Variants in TRIM66 observed in about 807,000 individuals in gnomAD.
TRIM66 encodes the protein tripartite motif-containing protein 66.
In TRIM66, 99 loss-of-function variants were observed where a neutral mutation model predicts 148.2. That is an observed-to-expected ratio of 0.67 (90% CI 0.57 to 0.79). TRIM66 has a LOEUF of 0.79. TRIM66 is among the 30% of genes least tolerant of loss of function. The pLI is 0.00. For missense variants in TRIM66, 1,666 were observed against 1,697.9 expected, an observed-to-expected ratio of 0.98 and a Z score of 0.33; for synonymous variants, 616 against 635.9, an observed-to-expected ratio of 0.97 and a Z score of 0.47.
chr11:8,627,509 AT>A (rs2034966794), intron 15 of TRIM66, among the ~76,000 whole-genome samples: 1 of 152,256 alleles, frequency 6.6e-6, no homozygotes. Context: ...TTAGAACAAT[AT>A]CTGGCATACT....
intron 7 of TRIM66, 84 bp downstream of exon 7, chr11:8,651,715 GT>G (rs1202855957): frequency 3.9e-6 from 4 of 1,037,282 alleles, no homozygotes; most frequent in Non-Finnish European, 5.9e-6. Context: ...AGATGATAGA[GT>G]GATGGATGGA....
chr11:8,672,937 C>CTT (rs35703499), intron 4 of TRIM66, among the ~76,000 whole-genome samples: 2 of 111,808 alleles, frequency 1.8e-5, no homozygotes, highest in Admixed American at 9.9e-5. Context: ...GGCCCATACT[C>CTT]TTTTTTTTTT....
At chr11:8,628,636 A>AAAAAAAAAAAAGAGAGAGAGAG (rs1555042270) in intron 15 of TRIM66, among the ~76,000 whole-genome samples, 1 of 93,338 alleles carries the variant, frequency 1.1e-5, no homozygotes, top group African/African-American at 3.5e-5. Flanking sequence ...AAAAAAAAAA[A>AAAAAAAAAAAAGAGAGAGAGAG]AGAGAGAGAA....
intron 15 of TRIM66, among the ~76,000 whole-genome samples, chr11:8,634,596 C>T (rs887331836): frequency 1.3e-5 from 2 of 152,174 alleles, no homozygotes; most frequent in African/African-American, 2.4e-5. Context: ...GGGTTGTAGC[C>T]ATGGTCTTTC....
At chr11:8,681,915 T>A (rs1415285181) in intron 1 of TRIM66, among the ~76,000 whole-genome samples, 3 of 152,080 alleles carry the variant, frequency 2.0e-5, no homozygotes, top group African/African-American at 4.8e-5. Flanking sequence ...AAAAATAGCA[T>A]TTATTTTTAC....
At position 8,619,524 on chromosome 11, in the gene TRIM66, A is replaced by G; in HGVS notation, c.3759T>C (p.Tyr1253=). The change falls in exon 23 of 25, where the codon TAT becomes TAC. Residue 1253 remains tyrosine (Y), a synonymous_variant. Coordinates refer to ENST00000646038, the MANE Select transcript of TRIM66 (RefSeq NM_001388022.1). ...HEPVSPLARH[Y]YQIIKRPMDL... is the part of the protein sequence containing the mutation. ...CCATGGGCCTCTTGATAATCTGGTA[A>G]TAATGCCGGGCCTTGGGGGAGGAGA... is the stretch of plus-strand genomic sequence containing the variant. 6.5e-7 allele frequency: 1 copy of G among 1,543,936 alleles called. No individual in the cohort carries two copies. Among genetic ancestry groups the G allele is most frequent in the Non-Finnish European group, 8.7e-7 (1 of 1,144,224 alleles).
chr11:8,673,194 C>G (rs1463556528), intron 4 of TRIM66, among the ~76,000 whole-genome samples: 1 of 152,038 alleles, frequency 6.6e-6, no homozygotes, highest in Non-Finnish European at 1.5e-5. Flanking sequence ...TCCCAAAGTG[C>G]TGGGATTACA....
At chr11:8,682,954 C>T (rs975187292), upstream of TRIM66, 50 of 1,227,888 alleles carry the variant, frequency 4.1e-5, no homozygotes, top group African/African-American at 1.2e-4. Context: ...GCAGGGTGGC[C>T]GGCGCGGGCC....
intron 3 of TRIM66, among the ~76,000 whole-genome samples, 189 bp from the exon 4 acceptor site, chr11:8,675,072 G>A (rs531161330): frequency 2.0e-4 from 30 of 152,250 alleles, no homozygotes; most frequent in African/African-American, 6.5e-4. Flanking sequence ...CTTTTCCCCA[G>A]GCACAGTTTT....
intron 6 of TRIM66, among the ~76,000 whole-genome samples, chr11:8,659,337 T>G (rs571858902): frequency 6.6e-6 from 1 of 152,022 alleles, no homozygotes; most frequent in Non-Finnish European, 1.5e-5. Context: ...GTCAGGGTAG[T>G]TGAGCATTAA....
intron 6 of TRIM66, among the ~76,000 whole-genome samples, chr11:8,665,773 T>C (rs571477213): frequency 3.8e-4 from 57 of 151,576 alleles, no homozygotes; most frequent in African/African-American, 1.3e-3. Context: ...CACGGTGAAA[T>C]CCTGTCTCTA....
In TRIM66 at chr11:8,621,188, G is replaced by T; in HGVS notation, c.3389C>A (p.Pro1130His). The stretch of plus-strand genomic sequence containing the variant: ...GCCCTTCTTGGCTCCTGGGGTTCGA[G>T]GAATGAGTCTGTGTTCTTCAGGAGA... ...GTSPEEHRLI[P>H]RTPGAKKGPP... Residue 1130 changes from proline (P) to histidine (H), a missense_variant, in exon 20 of 25, where the codon CCT becomes CAT. Physicochemically the swap from Pro to His is moderately conservative, Grantham distance 77. Around this residue, in one of 3 missense-constraint regions of TRIM66, gnomAD observed 1,431 missense variants for 1,412.4 expected, o/e 1.01. Coordinates refer to ENST00000646038, the MANE Select transcript of TRIM66 (RefSeq NM_001388022.1). The T allele has an allele frequency of 2.6e-6, 4 of 1,551,702 alleles. No individual in the cohort carries two copies. Among genetic ancestry groups the T allele is most frequent in the Middle Eastern group, 1.7e-4 (1 of 5,992 alleles).
chr11:8,678,705 C>T (rs1325139712), intron 3 of TRIM66, among the ~76,000 whole-genome samples: 4 of 152,150 alleles, frequency 2.6e-5, no homozygotes, highest in Non-Finnish European at 5.9e-5. Flanking sequence ...AAAAAGAAAA[C>T]GAACATATTT....
At chr11:8,673,401 G>A (rs1482069999) in intron 4 of TRIM66, among the ~76,000 whole-genome samples, 1 of 152,318 alleles carries the variant, frequency 6.6e-6, no homozygotes, top group Non-Finnish European at 1.5e-5. Context: ...AGTGTTAAGA[G>A]TCTAGGATTT....
At chr11:8,669,429 A>C (rs2038797662) in intron 6 of TRIM66, among the ~76,000 whole-genome samples, 1 of 152,146 alleles carries the variant, frequency 6.6e-6, no homozygotes, top group Admixed American at 6.5e-5. Context: ...AGGTCACTTG[A>C]GGTCAGGAGT....
At chr11:8,625,435 T>C (rs191015107) in intron 15 of TRIM66, among the ~76,000 whole-genome samples, 2 of 145,876 alleles carry the variant, frequency 1.4e-5, no homozygotes, top group South Asian at 2.3e-4. Context: ...GGCTATGACA[T>C]AGAGAGAGAG....
At chr11:8,677,612 TA>T (rs557893628) in intron 3 of TRIM66, among the ~76,000 whole-genome samples, 51 of 151,648 alleles carry the variant, frequency 3.4e-4, no homozygotes, top group Middle Eastern at 3.4e-3. Context: ...ACCTTATCTT[TA>T]AAAACAACAA....
At position 8,624,751 on chromosome 11, in the gene TRIM66, C is replaced by G; in HGVS notation, c.2788G>C (p.Asp930His). ...GRTSGSLCPR[D>H]GADPSLENAL... The stretch of plus-strand genomic sequence containing the variant: ...TTCTCCAGGGAGGGATCAGCCCCAT[C>G]TCTGGGACACAGGCTCCCTGAAGTT... Residue 930 changes from aspartate (D) to histidine (H), a missense_variant, in exon 16 of 25, where the codon GAT (aspartate) becomes CAT (histidine). Physicochemically the swap from Asp to His is moderately conservative, Grantham distance 81. Transcript: ENST00000646038. 2 of 1,545,368 alleles carry G rather than the reference C, an allele frequency of 1.3e-6. No homozygotes were observed. Among genetic ancestry groups the G allele is most frequent in the Non-Finnish European group, 1.7e-6 (2 of 1,143,028 alleles).
chr11:8,640,253 A>T lies in TRIM66; in HGVS notation c.2122T>A (p.Ser708Thr), dbSNP rs1211944521. ...TGCAGGGTCTCCTCCTGGCTCTGGG[A>T]CTGGACAGGTGCTGGCTGCCTCACG... ...YIVRQPAPVQ[S>T]QSQEETLQAT... The change falls in exon 14 of 25, where the codon TCC (serine) becomes ACC (threonine). Residue 708 changes from serine to threonine, a missense_variant. By Grantham distance (58) the Ser-to-Thr change is moderately conservative (BLOSUM62 1). This residue lies in a region of TRIM66 where 1,431 missense variants were observed against 1,412.4 expected (regional missense o/e 1.01). Transcript: ENST00000646038. 1 of 1,551,570 alleles carries T rather than the reference A, an allele frequency of 6.4e-7. No homozygotes were observed. Among genetic ancestry groups the T allele is most frequent in the East Asian group, 2.4e-5 (1 of 40,910 alleles).
Sources: gnomAD v4.1 joint callset for allele counts (sites outside exome capture counted in the v4.1 genomes callset) on GRCh38, gnomAD v4.1.1 for gene constraint, gnomAD v4.1.1 regional missense constraint, MANE v1.5 for transcripts, NCBI Gene and HGNC (gene_info 2026-07-23, HGNC 2026-07-21) for gene names.